The following ASTE1 variants were observed in gnomAD, a reference collection of about 807,000 sequenced individuals.
ASTE1 encodes the protein single-strand DNA endonuclease ASTE1.
ASTE1 carries 49 observed loss-of-function variants against 45.8 expected under a neutral mutation model. The observed-to-expected ratio is 1.07, with a 90% CI of 0.85 to 1.36. The LOEUF (loss-of-function observed/expected upper bound fraction) is 1.36, where lower values mean the gene tolerates loss of function less well. Among genes scored for constraint, ASTE1 ranks in the 40% most tolerant of loss-of-function variants. The pLI is 0.00. For synonymous variants in ASTE1, 296 were observed against 303.9 expected (o/e 0.97, Z 0.27); for missense variants, 709 against 804.0 (o/e 0.88, Z 1.43).
chr3:131,019,766 GAT>G (rs1367032466), intron 3 of ASTE1, among the ~76,000 whole-genome samples: 9 of 152,242 alleles, frequency 5.9e-5, no homozygotes, highest in Admixed American at 5.9e-4. Context: ...TGAGACTAAA[GAT>G]ATTAACCTGA....
chr3:131,016,077 A>G lies in ASTE1; in HGVS notation c.1709+67T>C, dbSNP rs768241774. 8.4e-6 allele frequency: 13 copies of G among 1,549,160 alleles called. No individual in the cohort carries two copies. In the South Asian group the frequency reaches 1.2e-4, roughly 14 times the overall value. On this transcript the variant is annotated intron_variant, in intron 5 of 5. Transcript: ENST00000264992. ...TTTAAGTAACTTTGTTGCTTTAAATATAAGTGAAAATACTGTATTTACTTT... is the reference window on the plus strand; with the variant it reads ...TTTAAGTAACTTTGTTGCTTTAAATGTAAGTGAAAATACTGTATTTACTTT...
At position 131,024,839 on chromosome 3, in the gene ASTE1, C is replaced by T. The variant is rs954616943; in HGVS notation, c.468G>A (p.Val156=). 5.6e-6 allele frequency: 9 copies of T among 1,614,024 alleles called. No individual in the cohort carries two copies. Among genetic ancestry groups the T allele is most frequent in the Middle Eastern group, 1.6e-4 (1 of 6,084 alleles). The change falls in exon 3 of 6, where the codon GTG becomes GTA. Residue 156 remains valine (V), a synonymous_variant. Coordinates refer to ENST00000264992, the MANE Select transcript of ASTE1 (RefSeq NM_014065.4). ...TGCAAAAGTCACTATCTGATGATAACACAGGGCAATTCCAATGGTTAGCAA... is the reference window on the plus strand; with the variant it reads ...TGCAAAAGTCACTATCTGATGATAATACAGGGCAATTCCAATGGTTAGCAA... The part of the protein sequence containing the change: ...MTLANHWNCP[V]LSSDSDFCIF...
At position 131,014,280 on chromosome 3, in the gene ASTE1, T is replaced by C. The variant is rs1358014648; in HGVS notation, c.1817A>G (p.Tyr606Cys). 6.2e-7 allele frequency: 1 copy of C among 1,613,974 alleles called. No individual in the cohort carries two copies. Among genetic ancestry groups the C allele is most frequent in the East Asian group, 2.2e-5 (1 of 44,886 alleles). ...ICPEAKQLYE[Y>C]LFNATRSYAP... ...ATATGACCTTGTGGCATTGAATAGA[T>C]ATTCATAAAGTTGCTTAGCCTCAGG... is the stretch of plus-strand genomic sequence containing the variant. Residue 606 changes from tyrosine to cysteine, a missense_variant, in exon 6 of 6, where the codon TAT (tyrosine) becomes TGT (cysteine). By Grantham distance (194) the Tyr-to-Cys change is radical. Transcript: ENST00000264992.
chr3:131,024,079 T>A lies in ASTE1; in HGVS notation c.1228A>T (p.Lys410Ter). 1.2e-6 allele frequency: 2 copies of A among 1,614,198 alleles called. No individual in the cohort carries two copies. The highest frequency in any genetic ancestry group is 1.7e-6 in the Non-Finnish European group (2 of 1,179,986). Residue 410 changes from lysine (K) to a stop codon, truncating the protein, a stop_gained, in exon 3 of 6, where the codon AAA becomes TAA. Transcript: ENST00000264992. LOFTEE classifies it high-confidence loss of function. ...TCAATGATTGAGGTTCTGATATTTTTATTAATCCTTTCCACTTCACTGAAA... is the reference window on the plus strand; with the variant it reads ...TCAATGATTGAGGTTCTGATATTTTAATTAATCCTTTCCACTTCACTGAAA... ...LAFSEVERIN[K>*]NIRTSIIDAV...
At chr3:131,020,524 C>A (rs1337803593) in intron 3 of ASTE1, among the ~76,000 whole-genome samples, 4 of 152,112 alleles carry the variant, frequency 2.6e-5, no homozygotes, top group Admixed American at 2.6e-4. Context: ...CTAACATAAC[C>A]AAAATGAAAC....
intron 5 of ASTE1, 118 bp downstream of exon 5, chr3:131,016,026 A>C: frequency 8.3e-7 from 1 of 1,202,468 alleles, no homozygotes; most frequent in East Asian, 2.6e-5. Context: ...CATTAAGATT[A>C]GTTTTTTTTT....
Position 131,024,674 on chromosome 3 carries a change from A to G in ASTE1, c.633T>C (p.Asn211=), listed in dbSNP as rs762966371. ...DAFCHHFSNM[N]KALLPLFAVL... ...CCGCAAAGAGAGGTAGTAGAGCTTT[A>G]TTCATATTGCTGAAGTGATGGCAGA... The change falls in exon 3 of 6, where the codon AAT becomes AAC. Residue 211 remains asparagine (N), a synonymous_variant. Coordinates refer to ENST00000264992, the MANE Select transcript of ASTE1 (RefSeq NM_014065.4). The G allele has an allele frequency of 3.8e-6, 6 of 1,593,410 alleles. No individual in the cohort carries two copies. In the South Asian group the frequency reaches 6.9e-5, roughly 18 times the overall value.
Position 131,025,153 on chromosome 3 carries a change from C to G in ASTE1, c.154G>C (p.Asp52His). 1.2e-6 allele frequency: 2 copies of G among 1,614,168 alleles called. No individual in the cohort carries two copies. The highest frequency in any genetic ancestry group is 1.7e-6 in the Non-Finnish European group (2 of 1,180,020). Reference sequence around the variant, plus strand: ...ACAACATCTGCAAAAGAATCATAGTCCCCTCCATACCGGAGATCCAAGTTT... The same window carrying G: ...ACAACATCTGCAAAAGAATCATAGTGCCCTCCATACCGGAGATCCAAGTTT... ...SSNLDLRYGG[D>H]YDSFADVVQK... The change falls in exon 3 of 6, where the codon GAC becomes CAC. Residue 52 changes from aspartate to histidine, a missense_variant. Transcript: ENST00000264992.
intron 3 of ASTE1, 109 bp downstream of exon 3, chr3:131,023,896 A>G: frequency 8.9e-7 from 1 of 1,123,542 alleles, no homozygotes; most frequent in Non-Finnish European, 1.2e-6. Flanking sequence ...AGGGCAAGAT[A>G]GCACTCAACC....
At chr3:131,016,021 A>T in intron 5 of ASTE1, 123 bp downstream of exon 5, 1 of 1,224,580 alleles carries the variant, frequency 8.2e-7, no homozygotes, top group Non-Finnish European at 1.2e-6. Flanking sequence ...AATTACATTA[A>T]GATTAGTTTT....
chr3:131,014,498 G>T, intron 5 of ASTE1, 111 bp from the exon 6 acceptor site: 1 of 1,013,564 alleles, frequency 9.9e-7, no homozygotes, highest in Non-Finnish European at 1.4e-6. Context: ...AGCTCTTATT[G>T]CTCTATAATA....
intron 3 of ASTE1, among the ~76,000 whole-genome samples, chr3:131,019,059 A>C (rs1272817565): frequency 6.6e-6 from 1 of 152,212 alleles, no homozygotes; most frequent in East Asian, 1.9e-4. Flanking sequence ...TTGATTGACT[A>C]ATCTGAGAGA....
At chr3:131,016,036 T>G in intron 5 of ASTE1, 108 bp downstream of exon 5, 2 of 1,338,998 alleles carry the variant, frequency 1.5e-6, no homozygotes, top group Admixed American at 2.1e-5. Flanking sequence ...AGTTTTTTTT[T>G]GTTTTGGTTT....
intron 4 of ASTE1, 35 bp downstream of exon 4, chr3:131,018,471 G>C: frequency 6.3e-7 from 1 of 1,586,314 alleles, no homozygotes; most frequent in Non-Finnish European, 8.7e-7. Context: ...CAAGCAACAT[G>C]CCACAATATA....
chr3:131,024,468 A>C lies in ASTE1; in HGVS notation c.839T>G (p.Leu280Arg), dbSNP rs925180963. The C allele has an allele frequency of 1.2e-6, 2 of 1,614,102 alleles. No homozygotes were observed. The highest frequency in any genetic ancestry group is 1.7e-6 in the Non-Finnish European group (2 of 1,180,004). ...TEALDNVLKY[L>R]PKKDRENVKE... ...AACATTTTCTCGATCCTTTTTTGGGAGGTATTTCAGAACATTATCTAGTGC... is the reference window on the plus strand; with the variant it reads ...AACATTTTCTCGATCCTTTTTTGGGCGGTATTTCAGAACATTATCTAGTGC... The change falls in exon 3 of 6, where the codon CTC becomes CGC. Residue 280 changes from leucine to arginine, a missense_variant. Transcript: ENST00000264992.
At position 131,016,301 on chromosome 3, in the gene ASTE1, A is replaced by G. The variant is rs778539364; in HGVS notation, c.1552T>C (p.Tyr518His). 2 of 1,614,166 alleles carry G rather than the reference A, an allele frequency of 1.2e-6. No individual in the cohort carries two copies. The highest frequency in any genetic ancestry group is 2.2e-5 in the East Asian group (1 of 44,886). Residue 518 changes from tyrosine (Y) to histidine (H), a missense_variant, in exon 5 of 6, where the codon TAT (tyrosine) becomes CAT (histidine). Physicochemically the swap from Tyr to His is moderately conservative, Grantham distance 83 (BLOSUM62 2). Coordinates refer to ENST00000264992, the MANE Select transcript of ASTE1 (RefSeq NM_014065.4). ...ELQEDGAKMLYAEFQRVKAQT... is the reference protein window; with the variant it reads ...ELQEDGAKMLHAEFQRVKAQT... ...GCCTTCACTCTTTGGAACTCTGCAT[A>G]CAACATCTTAGCACCATCTTCCTGC... is the stretch of plus-strand genomic sequence containing the variant.
At position 131,014,487 on chromosome 3, in the gene ASTE1, G is replaced by C; in HGVS notation, c.1710-100C>G. On this transcript the variant is annotated intron_variant, in intron 5 of 5. Transcript: ENST00000264992. ...TTCAACAAATGCATCTAAACAATGA[G>C]AGCTCTTATTGCTCTATAATATTAT... 2.6e-6 allele frequency: 3 copies of C among 1,134,186 alleles called. No homozygotes were observed. In the East Asian group the frequency reaches 7.5e-5, roughly 28 times the overall value. The allele number at this position is 1,134,186 out of a possible 1,614,324, so 70.3% of individuals were successfully genotyped here. A position where few individuals can be genotyped will look rare whatever the true frequency, so the allele number is the denominator to read the frequency against.
At chr3:131,016,083 G>T in intron 5 of ASTE1, 61 bp downstream of exon 5, 27 of 1,506,756 alleles carry the variant, frequency 1.8e-5, no homozygotes, top group African/African-American at 4.2e-5. Context: ...AAATATAAGT[G>T]AAAATACTGT....
intron 4 of ASTE1, among the ~76,000 whole-genome samples, chr3:131,018,108 A>G (rs1346277735): frequency 6.6e-6 from 1 of 152,128 alleles, no homozygotes; most frequent in Non-Finnish European, 1.5e-5. Context: ...AGGTATTTAG[A>G]TAAGTTTCAC....
Sources: gnomAD v4.1 joint callset for allele counts (sites outside exome capture counted in the v4.1 genomes callset) on GRCh38, gnomAD v4.1.1 for gene constraint, MANE v1.5 for transcripts, NCBI Gene and HGNC (gene_info 2026-07-23, HGNC 2026-07-21) for gene names.